RPL27A: variants seen among roughly 807,000 people sequenced by gnomAD.
RPL27A encodes ribosomal protein L27a.
For synonymous variants in RPL27A, 69 were observed against 68.3 expected (o/e 1.01, Z -0.05); for missense variants, 118 against 189.4 (o/e 0.62, Z 2.21).
Position 8,685,575 on chromosome 11 carries a change from CT to C in RPL27A, c.319-102del, listed in dbSNP as rs776459547. On this transcript the variant is annotated intron_variant, in intron 4 of 4. Coordinates refer to ENST00000314138, the MANE Select transcript of RPL27A (RefSeq NM_000990.5). Reference sequence around the variant, plus strand: ...TGCCCAGATCAGAAACATACATACCCTGCCTAGGGATTTAGAAAGTGGGTTG... The same window carrying C: ...TGCCCAGATCAGAAACATACATACCCGCCTAGGGATTTAGAAAGTGGGTTG... 23 of 1,319,512 alleles carry C rather than the reference CT, an allele frequency of 1.7e-5. No individual in the cohort carries two copies. The East Asian group carries it at 5.3e-4, about 31-fold the overall frequency. The allele number at this position is 1,319,512 out of a possible 1,614,324, so 81.7% of individuals were successfully genotyped here.
intron 1 of RPL27A, 190 bp downstream of exon 1, chr11:8,683,006 G>A: frequency 2.3e-6 from 2 of 875,400 alleles, no homozygotes; most frequent in African/African-American, 1.7e-5. Context: ...CCCGCGGTTC[G>A]GATCTCTAGG....
Position 8,685,895 on chromosome 11 carries a change from G to T in RPL27A, c.*89G>T, listed in dbSNP as rs922748743. Reference sequence around the variant, plus strand: ...CTTCAGTGGCACCTCTACATCCTGTGTGCATTGGGAGCCCAGGTTCTAGTA... The same window carrying T: ...CTTCAGTGGCACCTCTACATCCTGTTTGCATTGGGAGCCCAGGTTCTAGTA... On this transcript the variant is annotated 3_prime_UTR_variant, in exon 5 of 5. Coordinates refer to ENST00000314138, the MANE Select transcript of RPL27A (RefSeq NM_000990.5). The T allele has an allele frequency of 1.1e-5, 15 of 1,334,006 alleles. No individual in the cohort carries two copies. The highest frequency in any genetic ancestry group is 3.9e-5 in the Admixed American group (2 of 50,996). 82.6% of individuals were successfully genotyped at this position (1,334,006 alleles called of 1,614,324 possible).
chr11:8,683,115 C>CA, intron 1 of RPL27A, 87 bp from the exon 2 acceptor site: 1 of 1,377,930 alleles, frequency 7.3e-7, no homozygotes, highest in Non-Finnish European at 1.0e-6. Context: ...GTCTTTGACC[C>CA]ACAGGCTTAC....
At position 8,686,483 on chromosome 11, in the gene RPL27A, G is replaced by A. The variant is rs894505695; in HGVS notation, c.*677G>A. 8 of 152,198 alleles carry A rather than the reference G, an allele frequency of 5.3e-5. No individual in the cohort carries two copies. Among genetic ancestry groups the A allele is most frequent in the Admixed American group, 2.0e-4 (3 of 15,286 alleles). The allele number at this position is 152,198 out of a possible 1,614,324, so 9.4% of individuals were successfully genotyped here. On this transcript the variant is annotated 3_prime_UTR_variant, in exon 5 of 5. Coordinates refer to ENST00000314138, the MANE Select transcript of RPL27A (RefSeq NM_000990.5). ...TAACCTCAAGTGATCTGCCCACATC[G>A]GCCTCCAAAAGTTCTGGGATTATAG...
At chr11:8,684,691 A>T in intron 3 of RPL27A, 27 bp from the exon 4 acceptor site, 1 of 1,605,038 alleles carries the variant, frequency 6.2e-7, no homozygotes, top group Non-Finnish European at 8.5e-7. Flanking sequence ...TGGAGTGTGT[A>T]TGAAGGTGGT....
At chr11:8,683,968 C>G (rs996198565) in intron 2 of RPL27A, 38 bp from the exon 3 acceptor site, 1 of 1,560,832 alleles carries the variant, frequency 6.4e-7, no homozygotes, top group African/African-American at 1.4e-5. Flanking sequence ...CAGGCATGAG[C>G]CATCACACCG....
Position 8,685,853 on chromosome 11 carries a change from T to C in RPL27A, c.*47T>C, listed in dbSNP as rs2133618660. The C allele has an allele frequency of 6.2e-7, 1 of 1,600,182 alleles. No homozygotes were observed. Among genetic ancestry groups the C allele is most frequent in the South Asian group, 1.1e-5 (1 of 90,638 alleles). ...TTAAATGCTAACTACTTTTTCCTTG[T>C]GGTGTGAGTGTAGGTTCTTCAGTGG... On this transcript the variant is annotated 3_prime_UTR_variant, in exon 5 of 5. Coordinates refer to ENST00000314138, the MANE Select transcript of RPL27A (RefSeq NM_000990.5).
chr11:8,685,875 G>A lies in RPL27A; in HGVS notation c.*69G>A. 8 of 1,499,166 alleles carry A rather than the reference G, an allele frequency of 5.3e-6. No individual in the cohort carries two copies. Among genetic ancestry groups the A allele is most frequent in the Non-Finnish European group, 7.4e-6 (8 of 1,086,992 alleles). 92.9% of individuals were successfully genotyped at this position (1,499,166 alleles called of 1,614,324 possible). ...TTGTGGTGTGAGTGTAGGTTCTTCA[G>A]TGGCACCTCTACATCCTGTGTGCAT... On this transcript the variant is annotated 3_prime_UTR_variant, in exon 5 of 5. Transcript: ENST00000314138.
chr11:8,685,851 T>C lies in RPL27A; in HGVS notation c.*45T>C. The C allele has an allele frequency of 6.2e-7, 1 of 1,604,358 alleles. No individual in the cohort carries two copies. Among genetic ancestry groups the C allele is most frequent in the Non-Finnish European group, 8.5e-7 (1 of 1,174,202 alleles). ...CATTAAATGCTAACTACTTTTTCCTTGTGGTGTGAGTGTAGGTTCTTCAGT... is the reference window on the plus strand; with the variant it reads ...CATTAAATGCTAACTACTTTTTCCTCGTGGTGTGAGTGTAGGTTCTTCAGT... On this transcript the variant is annotated 3_prime_UTR_variant, in exon 5 of 5. Coordinates refer to ENST00000314138, the MANE Select transcript of RPL27A (RefSeq NM_000990.5).
rs1271793062 is a variant in RPL27A at position 8,688,271 on chromosome 11, G to A, written c.*2465G>A. The stretch of plus-strand genomic sequence containing the variant: ...ATGATAAGGCATGGAAGGAAGTAGA[G>A]TTTGGGGGGAAGGATCCCTAGTCCC... On this transcript the variant is annotated 3_prime_UTR_variant, in exon 5 of 5. Coordinates refer to ENST00000314138, the MANE Select transcript of RPL27A (RefSeq NM_000990.5). The A allele has an allele frequency of 3.3e-5, 5 of 152,188 alleles. No homozygotes were observed. The highest frequency in any genetic ancestry group is 1.2e-4 in the African/African-American group (5 of 41,424). 9.4% of individuals were successfully genotyped at this position (152,188 alleles called of 1,614,324 possible).
In RPL27A at chr11:8,686,269, C is replaced by T. The variant is rs1166110242; in HGVS notation, c.*463C>T. 1 of 154,414 alleles carries T rather than the reference C, an allele frequency of 6.5e-6. No individual in the cohort carries two copies. The highest frequency in any genetic ancestry group is 1.4e-5 in the Non-Finnish European group (1 of 69,882). The allele number at this position is 154,414 out of a possible 1,614,324, so 9.6% of individuals were successfully genotyped here. Reference sequence around the variant, plus strand: ...TTTTTTTTTTTTAAACGGAGTCTCTCTTGCCAGGCTGGAGTGCAGTGGCAC... The same window carrying T: ...TTTTTTTTTTTTAAACGGAGTCTCTTTTGCCAGGCTGGAGTGCAGTGGCAC... On this transcript the variant is annotated 3_prime_UTR_variant, in exon 5 of 5. Coordinates refer to ENST00000314138, the MANE Select transcript of RPL27A (RefSeq NM_000990.5).
At chr11:8,682,844 T>TC (rs1467132412) in intron 1 of RPL27A, 28 bp downstream of exon 1, 1 of 1,608,110 alleles carries the variant, frequency 6.2e-7, no homozygotes, top group Non-Finnish European at 8.5e-7. Flanking sequence ...TGCCTCCTCT[T>TC]CCTTGCCGGC....
chr11:8,683,105 G>T (rs935162148), intron 1 of RPL27A, 97 bp from the exon 2 acceptor site: 1 of 1,299,182 alleles, frequency 7.7e-7, no homozygotes, highest in Non-Finnish European at 1.1e-6. Flanking sequence ...CAGAAGTTAG[G>T]TCTTTGACCC....
chr11:8,683,171 T>C (rs142988643), intron 1 of RPL27A, 31 bp from the exon 2 acceptor site: 63 of 1,611,280 alleles, frequency 3.9e-5, no homozygotes, highest in Non-Finnish European at 5.1e-5. Context: ...CCTAATTCCT[T>C]AGGCCTTACC....
chr11:8,683,425 TAAGGAATTTCACATCAGTGGGGTAA>T, intron 2 of RPL27A, 160 bp downstream of exon 2: 1 of 638,138 alleles, frequency 1.6e-6, no homozygotes, highest in Non-Finnish European at 2.8e-6. Context: ...ATTCCAGTTC[TAAGGAATTTCACATCAGTGGGGTAA>T]TAGGAATTGA....
chr11:8,683,452 A>G (rs904217825), intron 2 of RPL27A, 187 bp downstream of exon 2: 1 of 612,476 alleles, frequency 1.6e-6, no homozygotes, highest in Admixed American at 2.8e-5. Context: ...GTGGGGTAAT[A>G]GGAATTGAGC....
rs1429927575 is a variant in RPL27A, at chr11:8,687,630, A to G, written c.*1824A>G. On this transcript the variant is annotated 3_prime_UTR_variant, in exon 5 of 5. Transcript: ENST00000314138. ...GATTAAAATGGAAACCGTGCACTTA[A>G]TTTTTTGTTTTGTTTTGAGACGGAG... The G allele has an allele frequency of 6.6e-6, 1 of 151,862 alleles. No individual in the cohort carries two copies. Among genetic ancestry groups the G allele is most frequent in the Non-Finnish European group, 1.5e-5 (1 of 67,982 alleles). The allele number at this position is 151,862 out of a possible 1,614,324, so 9.4% of individuals were successfully genotyped here.
rs1381206669 is a variant in RPL27A at position 8,683,247 on chromosome 11, C to T, written c.49C>T (p.His17Tyr). Residue 17 changes from histidine (H) to tyrosine (Y), a missense_variant, in exon 2 of 5, where the codon CAC becomes TAC. By Grantham distance (83) the His-to-Tyr change is moderately conservative. Transcript: ENST00000314138. The stretch of plus-strand genomic sequence containing the variant: ...CCGGAAACTTAGGGGCCACGTGAGC[C>T]ACGGCCACGGCCGCATAGGTAAGTG... ...KTRKLRGHVS[H>Y]GHGRIGKHRK... 1.2e-6 allele frequency: 2 copies of T among 1,614,238 alleles called. No individual in the cohort carries two copies. The highest frequency in any genetic ancestry group is 2.2e-5 in the East Asian group (1 of 44,888).
In RPL27A at chr11:8,689,020, GT is replaced by G. The variant is rs1456853854; in HGVS notation, c.*3215del. On this transcript the variant is annotated 3_prime_UTR_variant, in exon 5 of 5. Transcript: ENST00000314138. ...CTTCCGGAGACGATGACTCCCCCGCGTCCCAGACCGGAAGAAGCCCGGCGGA... is the reference window on the plus strand; with the variant it reads ...CTTCCGGAGACGATGACTCCCCCGCGCCCAGACCGGAAGAAGCCCGGCGGA... 6.6e-6 allele frequency: 1 copy of G among 152,268 alleles called. No individual in the cohort carries two copies. The highest frequency in any genetic ancestry group is 1.5e-5 in the Non-Finnish European group (1 of 68,058). The allele number at this position is 152,268 out of a possible 1,614,324, so 9.4% of individuals were successfully genotyped here. A position where few individuals can be genotyped will look rare whatever the true frequency, so the allele number is the denominator to read the frequency against.
Sources: gnomAD v4.1 joint callset for allele counts on GRCh38, gnomAD v4.1.1 for gene constraint, MANE v1.5 for transcripts, NCBI Gene and HGNC (gene_info 2026-07-23, HGNC 2026-07-21) for gene names.